PHIP: variants seen among roughly 807,000 people sequenced by gnomAD.
The protein encoded by PHIP is PH-interacting protein.
A neutral mutation model predicts 236.8 loss-of-function variants in PHIP; 54 were observed. That is an observed-to-expected ratio of 0.23 (90% CI 0.18 to 0.29). The LOEUF is 0.29. Among genes scored for constraint, PHIP ranks in the 10% least tolerant of loss-of-function variants. PHIP has a pLI of 1.00. For synonymous variants in PHIP, 756 were observed against 718.9 expected, an observed-to-expected ratio of 1.05 and a Z score of -0.83; for missense variants, 1,370 against 2,190.8, an observed-to-expected ratio of 0.63 and a Z score of 7.48.
At chr6:79,000,957 T>C (rs965840674) in intron 17 of PHIP, among the ~76,000 whole-genome samples, 2 of 152,064 alleles carry the variant, frequency 1.3e-5, no homozygotes, top group Admixed American at 1.3e-4. Context: ...TCCATCTTTA[T>C]TGCAACTTCA....
chr6:79,007,691 T>C (rs1319004265), intron 15 of PHIP, among the ~76,000 whole-genome samples: 3 of 148,476 alleles, frequency 2.0e-5, no homozygotes, highest in Non-Finnish European at 4.5e-5. Context: ...ACACCGTTCA[T>C]TAGAAGAAAG....
At chr6:78,972,555 A>G (rs1272499976) in intron 24 of PHIP, among the ~76,000 whole-genome samples, 1 of 152,236 alleles carries the variant, frequency 6.6e-6, no homozygotes, top group Admixed American at 6.5e-5. Context: ...TGAGAGAAGA[A>G]GGCTTCAGAC....
chr6:78,972,122 G>A (rs1300717061), intron 24 of PHIP, among the ~76,000 whole-genome samples: 1 of 152,136 alleles, frequency 6.6e-6, no homozygotes, highest in Non-Finnish European at 1.5e-5. Flanking sequence ...AGACTTAAAT[G>A]TCCCTGTCTG....
chr6:79,033,306 A>G (rs1171831637), intron 7 of PHIP, among the ~76,000 whole-genome samples: 1 of 152,226 alleles, frequency 6.6e-6, no homozygotes, highest in Non-Finnish European at 1.5e-5. Context: ...GAAGCTTTGA[A>G]GCCAGGCATT....
intron 6 of PHIP, among the ~76,000 whole-genome samples, chr6:79,058,896 A>G (rs1487673522): frequency 2.0e-5 from 3 of 151,558 alleles, no homozygotes; most frequent in African/African-American, 7.3e-5. Flanking sequence ...AAATGGGAAA[A>G]CTCCTATAAT....
Position 79,019,147 on chromosome 6 carries a change from T to C in PHIP, c.936A>G (p.Ala312=), listed in dbSNP as rs1474266217. Reference sequence around the variant, plus strand: ...CAGGCCGAGGGCGCTCTGTAAATTTTGCAGGTCTTGGGCTGTAATACAAAA... The same window carrying C: ...CAGGCCGAGGGCGCTCTGTAAATTTCGCAGGTCTTGGGCTGTAATACAAAA... ...AGTLKINPRP[A]KFTERPRPGV... Residue 312 remains alanine (A), a synonymous_variant, in exon 10 of 40, where the codon GCA becomes GCG. Coordinates refer to ENST00000275034, the MANE Select transcript of PHIP (RefSeq NM_017934.7). The C allele has an allele frequency of 5.6e-6, 9 of 1,611,790 alleles. No individual in the cohort carries two copies. The African/African-American group carries it at 1.2e-4, about 22-fold the overall frequency.
At chr6:79,043,208 C>A (rs1276165103) in intron 6 of PHIP, among the ~76,000 whole-genome samples, 2 of 152,042 alleles carry the variant, frequency 1.3e-5, no homozygotes, top group Non-Finnish European at 2.9e-5. Context: ...CTATCATTCT[C>A]ACTTTATAAC....
At chr6:78,955,728 A>AT (rs1167441914) in intron 32 of PHIP, 46 bp from the exon 33 acceptor site, 5 of 665,482 alleles carry the variant, frequency 7.5e-6, no homozygotes, top group South Asian at 4.1e-5. Flanking sequence ...AACCATGATA[A>AT]TTTTTTTCCT....
At chr6:78,945,082 CTTTT>C (rs879391783) in intron 39 of PHIP, among the ~76,000 whole-genome samples, 1 of 141,792 alleles carries the variant, frequency 7.1e-6, no homozygotes, top group East Asian at 2.0e-4. Flanking sequence ...AGATTTATTT[CTTTT>C]TTTTTTTTTT....
intron 35 of PHIP, among the ~76,000 whole-genome samples, chr6:78,949,010 T>A (rs1048089989): frequency 2.6e-5 from 4 of 152,234 alleles, no homozygotes; most frequent in African/African-American, 9.6e-5. Context: ...GGCTAGAATT[T>A]CCAGTACTAC....
At chr6:78,952,038 G>A (rs1418264245) in intron 35 of PHIP, among the ~76,000 whole-genome samples, 1 of 152,084 alleles carries the variant, frequency 6.6e-6, no homozygotes, top group Non-Finnish European at 1.5e-5. Flanking sequence ...CAATTGTTGA[G>A]TTTTTTTCAC....
intron 6 of PHIP, 92 bp downstream of exon 6, chr6:79,060,386 T>C: frequency 2.7e-6 from 2 of 752,334 alleles, no homozygotes; most frequent in Non-Finnish European, 4.3e-6. Flanking sequence ...TAATATGAAG[T>C]TCTCTAATAC....
At chr6:79,048,194 T>C (rs1582282167) in intron 6 of PHIP, among the ~76,000 whole-genome samples, 1 of 152,086 alleles carries the variant, frequency 6.6e-6, no homozygotes. Flanking sequence ...CAAAATTTTG[T>C]TGGAAATGTA....
chr6:79,002,153 G>T (rs762327690), intron 16 of PHIP, 29 bp from the exon 17 acceptor site: 427 of 1,474,972 alleles, frequency 2.9e-4, no homozygotes, highest in Non-Finnish European at 4.0e-4. Context: ...ATAAAAGACT[G>T]GAAAAATAAA....
At chr6:79,041,807 G>A (rs1465762002) in intron 7 of PHIP, among the ~76,000 whole-genome samples, 4 of 152,034 alleles carry the variant, frequency 2.6e-5, no homozygotes, top group African/African-American at 7.2e-5. Flanking sequence ...GCAAATGCCT[G>A]AGGTAGATTA....
At chr6:78,986,948 GAAT>G (rs35730468) in intron 21 of PHIP, among the ~76,000 whole-genome samples, 67,776 of 151,554 alleles carry the variant, frequency 0.45, 15,754 homozygotes, top group East Asian at 0.69. Context: ...AAAAGAAACA[GAAT>G]TATTCCTACA....
intron 27 of PHIP, among the ~76,000 whole-genome samples, chr6:78,966,964 T>C (rs1423936036): frequency 1.3e-5 from 2 of 152,252 alleles, no homozygotes; most frequent in Non-Finnish European, 2.9e-5. Flanking sequence ...TGGTGATGTC[T>C]ACCTCCTGGT....
At chr6:78,942,107 T>C (rs1332766116) in intron 39 of PHIP, among the ~76,000 whole-genome samples, 1 of 152,188 alleles carries the variant, frequency 6.6e-6, no homozygotes, top group Admixed American at 6.5e-5. Context: ...AGGAAATTCA[T>C]AGATGGAAAC....
chr6:79,026,479 AAT>A (rs1384194778), intron 7 of PHIP, among the ~76,000 whole-genome samples: 1 of 151,938 alleles, frequency 6.6e-6, no homozygotes, highest in African/African-American at 2.4e-5. Context: ...AAAAAAAAAA[AAT>A]CATAGCTGCA....
Sources: allele counts gnomAD v4.1 joint callset (sites outside exome capture counted in the v4.1 genomes callset), GRCh38; gene constraint gnomAD v4.1.1; transcripts MANE v1.5; gene names NCBI Gene and HGNC (gene_info 2026-07-23, HGNC 2026-07-21).